SCTR: variants seen among roughly 807,000 people sequenced by gnomAD.
The protein encoded by SCTR is pancreatic secretin receptor.
A neutral mutation model predicts 60.8 loss-of-function variants in SCTR; 56 were observed. The ratio of observed to expected loss-of-function variants is 0.92; its 90% CI spans 0.74 to 1.15. The LOEUF (loss-of-function observed/expected upper bound fraction) is 1.15, where lower values mean the gene tolerates loss of function less well. SCTR is among the 50% of genes most tolerant of loss of function. The pLI is 0.00. For missense variants in SCTR, 562 were observed against 550.4 expected, an observed-to-expected ratio of 1.02 and a Z score of -0.21; for synonymous variants, 202 against 217.0, an observed-to-expected ratio of 0.93 and a Z score of 0.61.
At chr2:119,449,429 G>A (rs932293590) in intron 9 of SCTR, among the ~76,000 whole-genome samples, 4 of 151,602 alleles carry the variant, frequency 2.6e-5, no homozygotes, top group Admixed American at 6.6e-5. Context: ...TTTTTCTTGC[G>A]AACTATGATT....
intron 7 of SCTR, among the ~76,000 whole-genome samples, chr2:119,458,293 G>A (rs1307060831): frequency 4.6e-5 from 6 of 129,884 alleles, no homozygotes; most frequent in South Asian, 4.9e-4. Context: ...GTGACAAAGA[G>A]AGACCCTATC....
chr2:119,511,221 A>C (rs1179041580), intron 1 of SCTR, among the ~76,000 whole-genome samples: 2 of 152,126 alleles, frequency 1.3e-5, no homozygotes, highest in Non-Finnish European at 2.9e-5. Context: ...TCAAAAAAAA[A>C]AAATTATATT....
intron 2 of SCTR, among the ~76,000 whole-genome samples, chr2:119,493,641 C>CTTTTTTT (rs35864019): frequency 7.5e-6 from 1 of 133,406 alleles, no homozygotes; most frequent in Non-Finnish European, 1.6e-5. Context: ...CATTCTTCTT[C>CTTTTTTT]TTTTTTTTTT....
In SCTR at chr2:119,444,186, AATAT is replaced by A. The variant is rs549348381; in HGVS notation, c.1140+2569_1140+2572del. Among the ~76,000 whole-genome samples the A allele has an allele frequency of 4.9e-4, 68 of 139,976 alleles. 2 individuals are homozygous for A. In the South Asian group the frequency reaches 0.013, roughly 28 times the overall value. 91.8% of individuals were successfully genotyped at this position (139,976 alleles called of 152,430 possible). ...ATACACATATGTATATATACATATG[AATAT>A]ATACACATATGTATATATACATATG... On this transcript the variant is annotated intron_variant, in intron 11 of 12. Transcript: ENST00000019103.
chr2:119,448,885 C>T (rs1683034175), intron 9 of SCTR, 105 bp from the exon 10 acceptor site: 1 of 663,198 alleles, frequency 1.5e-6, no homozygotes. Context: ...ATTGCAGACA[C>T]CACAGCCAGG....
chr2:119,522,407 G>C (rs773892928), intron 1 of SCTR, among the ~76,000 whole-genome samples: 1 of 152,190 alleles, frequency 6.6e-6, no homozygotes. Flanking sequence ...TGGGTTAAGT[G>C]GGGTATGTGG....
At chr2:119,488,700 A>G (rs1043770760) in intron 2 of SCTR, among the ~76,000 whole-genome samples, 1 of 152,200 alleles carries the variant, frequency 6.6e-6, no homozygotes, top group African/African-American at 2.4e-5. Context: ...CCAGCCATTC[A>G]TGGCAGAGGT....
chr2:119,499,837 A>T (rs1475650712), intron 1 of SCTR, among the ~76,000 whole-genome samples: 2 of 152,124 alleles, frequency 1.3e-5, no homozygotes, highest in Admixed American at 6.5e-5. Context: ...TAATGTTGAC[A>T]TTTCTTGCCT....
At chr2:119,443,774 T>G (rs868165120) in intron 11 of SCTR, among the ~76,000 whole-genome samples, 2 of 152,208 alleles carry the variant, frequency 1.3e-5, no homozygotes, top group African/African-American at 4.8e-5. Flanking sequence ...CTCGAACTCC[T>G]GAGCTCAGGC....
chr2:119,502,603 T>C (rs761962796), intron 1 of SCTR, among the ~76,000 whole-genome samples: 3 of 152,112 alleles, frequency 2.0e-5, no homozygotes, highest in Non-Finnish European at 4.4e-5. Context: ...TCATAAGTGC[T>C]AAAACCAGGA....
At chr2:119,488,055 T>C (rs1175354076) in intron 2 of SCTR, among the ~76,000 whole-genome samples, 1 of 152,214 alleles carries the variant, frequency 6.6e-6, no homozygotes, top group Non-Finnish European at 1.5e-5. Flanking sequence ...GATGGAGCCC[T>C]TGGCCCTGGC....
At chr2:119,448,864 G>T in intron 9 of SCTR, 84 bp from the exon 10 acceptor site, 1 of 744,732 alleles carries the variant, frequency 1.3e-6, no homozygotes. Flanking sequence ...GGACCTGAGG[G>T]CAGAGAAGAC....
intron 2 of SCTR, among the ~76,000 whole-genome samples, chr2:119,484,046 G>A (rs1677753079): frequency 6.6e-6 from 1 of 152,130 alleles, no homozygotes; most frequent in Admixed American, 6.5e-5. Flanking sequence ...GGCAGGGAAG[G>A]GACACAGCCC....
At chr2:119,460,457 T>C (rs1025089017) in intron 7 of SCTR, among the ~76,000 whole-genome samples, 1 of 151,378 alleles carries the variant, frequency 6.6e-6, no homozygotes, top group Non-Finnish European at 1.5e-5. Flanking sequence ...GATGGATGGA[T>C]GGATGGATGG....
chr2:119,513,841 G>A (rs1679030509), intron 1 of SCTR, among the ~76,000 whole-genome samples: 1 of 151,956 alleles, frequency 6.6e-6, no homozygotes, highest in Admixed American at 6.6e-5. Context: ...TCTTTTCTAG[G>A]GTCTTTTGCA....
intron 11 of SCTR, among the ~76,000 whole-genome samples, chr2:119,442,063 G>A (rs1418852130): frequency 6.6e-6 from 1 of 152,240 alleles, no homozygotes; most frequent in Non-Finnish European, 1.5e-5. Flanking sequence ...AAACAAATGT[G>A]TAGGCAGAAC....
At position 119,503,792 on chromosome 2, in the gene SCTR, C is replaced by T. The variant is rs73951155; in HGVS notation, c.73-9244G>A. 1.4e-3 allele frequency among the ~76,000 whole-genome samples: 215 copies of T among 152,134 alleles called. 1 individual carries two copies. The highest frequency in any genetic ancestry group is 4.9e-3 in the African/African-American group (202 of 41,502). ...CACAAAGTTTATTGTAAACTATGAA[C>T]TTTAGTTAGTAATATTGTATCAACA... On this transcript the variant is annotated intron_variant, in intron 1 of 12. Transcript: ENST00000019103.
intron 11 of SCTR, 145 bp downstream of exon 11, chr2:119,446,614 T>A (rs776687170): frequency 8.1e-5 from 56 of 687,336 alleles, no homozygotes; most frequent in Non-Finnish European, 1.2e-4. Context: ...CTCAGGGACC[T>A]GTAGCACTGT....
chr2:119,450,508 C>CT (rs1170346015), intron 9 of SCTR, among the ~76,000 whole-genome samples: 2 of 151,038 alleles, frequency 1.3e-5, no homozygotes, highest in African/African-American at 4.9e-5. Flanking sequence ...AAGCTCACAT[C>CT]TATTGCTAAG....
Sources: gnomAD v4.1 joint callset for allele counts (sites outside exome capture counted in the v4.1 genomes callset) on GRCh38, gnomAD v4.1.1 for gene constraint, MANE v1.5 for transcripts, NCBI Gene and HGNC (gene_info 2026-07-23, HGNC 2026-07-21) for gene names.